SRFBP1: variants seen among roughly 807,000 people sequenced by gnomAD.
SRFBP1 encodes serum response factor binding protein 1, also known as serum response factor-binding protein 1.
In SRFBP1, 47 loss-of-function variants were observed where a neutral mutation model predicts 45.5. The ratio of observed to expected loss-of-function variants is 1.03; its 90% confidence interval spans 0.82 to 1.32. SRFBP1 has a LOEUF of 1.32. SRFBP1 is among the 40% of genes most tolerant of loss of function. The pLI is 0.00. For synonymous variants in SRFBP1, 203 were observed against 166.3 expected, an observed-to-expected ratio of 1.22 and a Z score of -1.70; for missense variants, 621 against 484.6, an observed-to-expected ratio of 1.28 and a Z score of -2.64.
At chr5:121,990,518 C>G (rs1752598475) in intron 3 of SRFBP1, among the ~76,000 whole-genome samples, 1 of 152,112 alleles carries the variant, frequency 6.6e-6, no homozygotes, top group African/African-American at 2.4e-5. Flanking sequence ...CAAACCTCAG[C>G]ATCACACAAT....
downstream of SRFBP1, among the ~76,000 whole-genome samples, chr5:122,031,194 A>T (rs1254676570): frequency 6.6e-6 from 1 of 152,236 alleles, no homozygotes; most frequent in African/African-American, 2.4e-5. Flanking sequence ...TTTCATACAC[A>T]ACAAAGAATA....
chr5:122,073,951 A>C, intron 2 of SRFBP1: 1 of 1,472,858 alleles, frequency 6.8e-7, no homozygotes, highest in Non-Finnish European at 9.4e-7. Flanking sequence ...AATGCTAACT[A>C]ACGGTAGATG....
At chr5:121,964,332 C>T (rs2112808359) in intron 1 of SRFBP1, among the ~76,000 whole-genome samples, 1 of 152,226 alleles carries the variant, frequency 6.6e-6, no homozygotes, top group East Asian at 1.9e-4. Flanking sequence ...TCTCCTAATG[C>T]TATCCCTCCC....
At chr5:121,966,530 T>C (rs1379358174) in intron 1 of SRFBP1, among the ~76,000 whole-genome samples, 2 of 152,322 alleles carry the variant, frequency 1.3e-5, no homozygotes, top group African/African-American at 4.8e-5. Context: ...ATGCTTTTTT[T>C]CCTCCCTTTC....
rs185524622 is a variant in SRFBP1, at chr5:121,996,011, G to A, written c.270+1341G>A. Among the ~76,000 whole-genome samples, 15 of 151,970 alleles carry A rather than the reference G, an allele frequency of 9.9e-5. No homozygotes were observed. In the South Asian group the frequency reaches 2.9e-3, roughly 30 times the overall value. ...ACCAATAACAGGAGCTGAAATTGTGGCAATAATCAATAGCTTACCAACCAA... is the reference window on the plus strand; with the variant it reads ...ACCAATAACAGGAGCTGAAATTGTGACAATAATCAATAGCTTACCAACCAA... On this transcript the variant is annotated intron_variant, in intron 4 of 7. Transcript: ENST00000339397.
chr5:122,057,742 A>G (rs1325298134), intron 2 of SRFBP1, among the ~76,000 whole-genome samples: 2 of 152,142 alleles, frequency 1.3e-5, no homozygotes, highest in Non-Finnish European at 2.9e-5. Flanking sequence ...TTTATAGTAG[A>G]TGGATCAGAC....
chr5:122,020,040 T>C (rs764505778), intron 5 of SRFBP1, 48 bp from the exon 6 acceptor site: 2 of 1,311,416 alleles, frequency 1.5e-6, no homozygotes, highest in Admixed American at 5.0e-5. Context: ...ACAGTCATGT[T>C]TTATATGTTT....
chr5:122,070,627 T>C (rs1580560224), intron 2 of SRFBP1: 1 of 1,103,820 alleles, frequency 9.1e-7, no homozygotes, highest in East Asian at 2.4e-5. Context: ...AATTATGGTA[T>C]GTGGTCAGAC....
intron 4 of SRFBP1, among the ~76,000 whole-genome samples, chr5:122,003,346 G>C (rs952160393): frequency 3.8e-5 from 4 of 106,132 alleles, no homozygotes; most frequent in Non-Finnish European, 8.5e-5. Context: ...CTGTCTCAGA[G>C]AAAAAAAAAA....
intron 2 of SRFBP1, among the ~76,000 whole-genome samples, chr5:122,048,960 C>T (rs1341409037): frequency 1.3e-5 from 2 of 151,908 alleles, no homozygotes; most frequent in Non-Finnish European, 2.9e-5. Flanking sequence ...GTATTGCTAG[C>T]GGTCTATCAA....
At chr5:121,986,397 A>G (rs755272320) in intron 3 of SRFBP1, among the ~76,000 whole-genome samples, 3 of 152,064 alleles carry the variant, frequency 2.0e-5, no homozygotes, top group Non-Finnish European at 4.4e-5. Flanking sequence ...AATAAAGAGC[A>G]TTTGGAGATG....
intron 4 of SRFBP1, among the ~76,000 whole-genome samples, chr5:122,009,219 T>A (rs928968680): frequency 2.0e-5 from 3 of 152,222 alleles, no homozygotes; most frequent in African/African-American, 7.2e-5. Flanking sequence ...GGTTTTATCT[T>A]TTTTTAAATA....
At chr5:122,000,657 A>G (rs1217691382) in intron 4 of SRFBP1, among the ~76,000 whole-genome samples, 5 of 152,056 alleles carry the variant, frequency 3.3e-5, no homozygotes, top group African/African-American at 1.2e-4. Context: ...GGTCCTCTGT[A>G]TATAATGCCC....
intron 3 of SRFBP1, among the ~76,000 whole-genome samples, chr5:121,977,160 GTGGTTTGGTT>G (rs779680089): frequency 6.6e-6 from 1 of 151,966 alleles, no homozygotes; most frequent in African/African-American, 2.4e-5. Context: ...CATCACTATC[GTGGTTTGGTT>G]TGGTTTGGTT....
chr5:122,039,728 T>C (rs1753744341), intron 2 of SRFBP1, among the ~76,000 whole-genome samples: 1 of 152,122 alleles, frequency 6.6e-6, no homozygotes, highest in Admixed American at 6.5e-5. Flanking sequence ...ATCCAGTCTT[T>C]ACACAAGCAA....
In SRFBP1 at chr5:122,019,344, A is replaced by G; in HGVS notation, c.352+3A>G. On this transcript the variant is annotated splice_donor_region_variant and intron_variant, in intron 5 of 7. Transcript: ENST00000339397. ...GAAAAAGATAGATGTGCTAAAAGGTATGAATTAAATGACTTTTAAGCCATG... is the reference window on the plus strand; with the variant it reads ...GAAAAAGATAGATGTGCTAAAAGGTGTGAATTAAATGACTTTTAAGCCATG... 6.2e-7 allele frequency: 1 copy of G among 1,606,904 alleles called. No individual in the cohort carries two copies. The highest frequency in any genetic ancestry group is 1.4e-5 in the African/African-American group (1 of 73,666).
At chr5:121,968,630 C>T (rs1274960123) in intron 1 of SRFBP1, among the ~76,000 whole-genome samples, 1 of 152,132 alleles carries the variant, frequency 6.6e-6, no homozygotes, top group African/African-American at 2.4e-5. Flanking sequence ...AATGAATAAT[C>T]TTGTGTGTAG....
chr5:121,962,001 A>C lies in SRFBP1; in HGVS notation c.-32A>C, dbSNP rs1751951984. ...CGGTCTGAGAGACCGGTTCACGTGC[A>C]GGCAGCGGCGGATCATATTCCTTCA... On this transcript the variant is annotated 5_prime_UTR_variant, in exon 1 of 8. Coordinates refer to ENST00000339397, the MANE Select transcript of SRFBP1 (RefSeq NM_152546.3). The C allele has an allele frequency of 1.9e-6, 3 of 1,613,562 alleles. No individual in the cohort carries two copies. The highest frequency in any genetic ancestry group is 2.5e-6 in the Non-Finnish European group (3 of 1,179,868).
chr5:122,034,209 C>T (rs576820392), intron 2 of SRFBP1, among the ~76,000 whole-genome samples: 1 of 152,126 alleles, frequency 6.6e-6, no homozygotes, highest in Non-Finnish European at 1.5e-5. Flanking sequence ...AAATGAAGAT[C>T]TTTTCCATTT....
Sources: allele counts gnomAD v4.1 joint callset (sites outside exome capture counted in the v4.1 genomes callset), GRCh38; gene constraint gnomAD v4.1.1; transcripts MANE v1.5; gene names NCBI Gene and HGNC (gene_info 2026-07-23, HGNC 2026-07-21).